Variants in LOXL2 observed in about 807,000 individuals in gnomAD.
LOXL2 encodes lysyl oxidase homolog 2.
Under a neutral mutation model 93.0 loss-of-function variants are expected in LOXL2, and 70 were observed. The ratio of observed to expected loss-of-function variants is 0.75; its 90% CI spans 0.62 to 0.92. LOXL2 has a LOEUF of 0.92. LOXL2 is among the 40% of genes least tolerant of loss of function. The probability of loss-of-function intolerance (pLI) is 0.00; values close to 1 mark genes in which losing one functional copy is unlikely to be tolerated. For synonymous variants in LOXL2, 438 were observed against 413.2 expected (o/e 1.06, Z -0.73); for missense variants, 973 against 1,054.9 (o/e 0.92, Z 1.08).
chr8:23,337,949 G>A (rs905810770), intron 4 of LOXL2, among the ~76,000 whole-genome samples: 2 of 152,140 alleles, frequency 1.3e-5, no homozygotes, highest in Non-Finnish European at 2.9e-5. Context: ...CCATTCTCAT[G>A]CTGCTAATAA....
At chr8:23,303,663 G>A (rs1433373893) in intron 10 of LOXL2, among the ~76,000 whole-genome samples, 2 of 152,212 alleles carry the variant, frequency 1.3e-5, no homozygotes, top group Non-Finnish European at 2.9e-5. Context: ...AATGCATGGG[G>A]TGCTGTGGGT....
At chr8:23,379,644 C>T (rs1804647033) in intron 1 of LOXL2, among the ~76,000 whole-genome samples, 1 of 63,272 alleles carries the variant, frequency 1.6e-5, no homozygotes, top group African/African-American at 1.1e-4. Context: ...GGCGGGCGCC[C>T]CTCCCCCAGC....
intron 1 of LOXL2, among the ~76,000 whole-genome samples, chr8:23,387,080 A>T (rs1157866489): frequency 6.6e-6 from 1 of 152,232 alleles, no homozygotes; most frequent in Non-Finnish European, 1.5e-5. Context: ...AAGGTGCCGA[A>T]GGACTGAAGT....
chr8:23,308,687 A>G (rs2117145488), intron 10 of LOXL2, among the ~76,000 whole-genome samples: 1 of 152,336 alleles, frequency 6.6e-6, no homozygotes, highest in East Asian at 1.9e-4. Context: ...TAAGAGGATG[A>G]GCAGATGGCT....
intron 5 of LOXL2, among the ~76,000 whole-genome samples, chr8:23,331,052 T>C (rs1277232981): frequency 1.3e-5 from 2 of 152,184 alleles, no homozygotes; most frequent in Non-Finnish European, 2.9e-5. Context: ...CTCAGTCTTT[T>C]GTTCAAATCT....
intron 5 of LOXL2, among the ~76,000 whole-genome samples, chr8:23,333,192 C>T (rs1803733233): frequency 6.6e-6 from 1 of 152,198 alleles, no homozygotes; most frequent in Non-Finnish European, 1.5e-5. Flanking sequence ...AGCGCACCAA[C>T]AGCCTGTGAC....
intron 1 of LOXL2, among the ~76,000 whole-genome samples, chr8:23,373,668 C>T (rs1804539176): frequency 6.6e-6 from 1 of 152,194 alleles, no homozygotes; most frequent in Non-Finnish European, 1.5e-5. Flanking sequence ...TTTTAATTCA[C>T]TTGATGTGGT....
At chr8:23,319,471 G>C (rs977067694) in intron 8 of LOXL2, among the ~76,000 whole-genome samples, 1 of 152,198 alleles carries the variant, frequency 6.6e-6, no homozygotes, top group South Asian at 2.1e-4. Context: ...GGTTTCAAGG[G>C]AGCAAGCTAA....
At chr8:23,346,062 C>A (rs772052044) in intron 3 of LOXL2, among the ~76,000 whole-genome samples, 1 of 135,286 alleles carries the variant, frequency 7.4e-6, no homozygotes, top group African/African-American at 2.8e-5. Flanking sequence ...AGCGAGACTC[C>A]GTCTCAAAAA....
Position 23,309,787 on chromosome 8 carries a change from G to A in LOXL2, c.1761C>T (p.Thr587=), listed in dbSNP as rs11554932. The A allele has an allele frequency of 0.052, 83,689 of 1,603,502 alleles. 2,405 individuals carry two copies. Among genetic ancestry groups the A allele is most frequent in the African/African-American group, 0.096 (7,132 of 74,636 alleles). ...ENCLSASAAQ[T]DPTTGYRRLL... is the part of the protein sequence containing the mutation. ...GCCGGCGGTAGCCCGTGGTGGGGTCGGTCTGCGCGGCTGAGGCCGAGAGGC... is the reference window on the plus strand; with the variant it reads ...GCCGGCGGTAGCCCGTGGTGGGGTCAGTCTGCGCGGCTGAGGCCGAGAGGC... Residue 587 remains threonine (T), a synonymous_variant, in exon 10 of 14, where the codon ACC becomes ACT. Transcript: ENST00000389131.
intron 5 of LOXL2, among the ~76,000 whole-genome samples, chr8:23,330,603 T>C (rs559866880): frequency 3.0e-3 from 316 of 104,042 alleles, no homozygotes; most frequent in South Asian, 5.6e-3. Flanking sequence ...CAAGGGAAAA[T>C]ATGATGTAAG....
In LOXL2 at chr8:23,383,657, GTTTTTTTT is replaced by G. The variant is rs968347697; in HGVS notation, c.-83-15231_-83-15224del. On this transcript the variant is annotated intron_variant, in intron 1 of 13. Coordinates refer to ENST00000389131, the MANE Select transcript of LOXL2 (RefSeq NM_002318.3). ...GAGGGCACTTTTACGTTTTTTTTTT[GTTTTTTTT>G]TTTTTTTTTTTTTGAGACAGAGTCT... 3.6e-4 allele frequency among the ~76,000 whole-genome samples: 8 copies of G among 22,280 alleles called. No individual in the cohort carries two copies. In the South Asian group the frequency reaches 3.8e-3, roughly 10 times the overall value. The allele number at this position is 22,280 out of a possible 152,430, so 14.6% of individuals were successfully genotyped here.
chr8:23,328,226 C>T (rs1354243506), intron 6 of LOXL2, among the ~76,000 whole-genome samples, 156 bp downstream of exon 6: 3 of 152,150 alleles, frequency 2.0e-5, no homozygotes, highest in Admixed American at 6.5e-5. Flanking sequence ...CCTTTCAACT[C>T]TGTCTAGGGA....
At chr8:23,378,759 C>G (rs531631020) in intron 1 of LOXL2, among the ~76,000 whole-genome samples, 1 of 152,218 alleles carries the variant, frequency 6.6e-6, no homozygotes, top group Non-Finnish European at 1.5e-5. Flanking sequence ...GCATTCGTCA[C>G]GTAGTTCTCG....
At chr8:23,392,869 C>T (rs1241140689) in intron 1 of LOXL2, among the ~76,000 whole-genome samples, 2 of 152,166 alleles carry the variant, frequency 1.3e-5, no homozygotes, top group Admixed American at 6.5e-5. Context: ...AGCAAGGTTA[C>T]AGGATACAAT....
rs1235331332 is a variant in LOXL2, at chr8:23,341,129, C to T, written c.606G>A (p.Met202Ile). 6.2e-7 allele frequency: 1 copy of T among 1,614,050 alleles called. No homozygotes were observed. Among genetic ancestry groups the T allele is most frequent in the Admixed American group, 1.7e-5 (1 of 60,024 alleles). The change falls in exon 4 of 14, where the codon ATG becomes ATA. Residue 202 changes from methionine to isoleucine, a missense_variant. Met to Ile is a conservative substitution (Grantham distance 10, BLOSUM62 1). Coordinates refer to ENST00000389131, the MANE Select transcript of LOXL2 (RefSeq NM_002318.3). Reference protein sequence around the residue: ...LSTYRKRTPVMEGYVEVKEGK... With the variant: ...LSTYRKRTPVIEGYVEVKEGK... ...CCTCCTTCACCTCCACGTAGCCCTCCATCACTGGGGTGCGCTTGCGGTAGG... is the reference window on the plus strand; with the variant it reads ...CCTCCTTCACCTCCACGTAGCCCTCTATCACTGGGGTGCGCTTGCGGTAGG...
rs1803222708 is a variant in LOXL2 at position 23,305,893 on chromosome 8, C to T, written c.1881-2496G>A. On this transcript the variant is annotated intron_variant, in intron 10 of 13. Coordinates refer to ENST00000389131, the MANE Select transcript of LOXL2 (RefSeq NM_002318.3). ...GTGGTATGATCTCGGCTCACTGCAA[C>T]CTCTGTCTCCCGGGTTCAAGCAATT... Among the ~76,000 whole-genome samples the T allele has an allele frequency of 2.0e-5, 3 of 151,878 alleles. No homozygotes were observed. In the South Asian group the frequency reaches 6.2e-4, roughly 32 times the overall value.
At chr8:23,307,486 G>A (rs1450685584) in intron 10 of LOXL2, among the ~76,000 whole-genome samples, 3 of 152,172 alleles carry the variant, frequency 2.0e-5, no homozygotes, top group Non-Finnish European at 4.4e-5. Flanking sequence ...AGCAGGCAGG[G>A]AGCCAGGGTC....
chr8:23,313,909 C>A (rs1404999231), intron 9 of LOXL2, among the ~76,000 whole-genome samples: 3 of 142,924 alleles, frequency 2.1e-5, no homozygotes, highest in Non-Finnish European at 4.6e-5. Flanking sequence ...TGACAAAGGG[C>A]TAATATCCAG....
Sources: gnomAD v4.1 joint callset for allele counts (sites outside exome capture counted in the v4.1 genomes callset) on GRCh38, gnomAD v4.1.1 for gene constraint, MANE v1.5 for transcripts, NCBI Gene and HGNC (gene_info 2026-07-23, HGNC 2026-07-21) for gene names.